The following AUTS2 variants were observed in gnomAD, a reference collection of about 807,000 sequenced individuals.
AUTS2 encodes the protein activator of transcription and developmental regulator AUTS2, also known as autism susceptibility gene 2 protein.
In AUTS2, 17 loss-of-function variants were observed where a neutral mutation model predicts 112.4. The observed-to-expected ratio is 0.15, with a 90% CI of 0.10 to 0.23. The LOEUF (loss-of-function observed/expected upper bound fraction) is 0.23. Ranked by LOEUF, AUTS2 falls within the 10% of genes least tolerant of loss-of-function variation. The probability of loss-of-function intolerance (pLI) is 1.00; values close to 1 mark genes in which losing one functional copy is unlikely to be tolerated. For synonymous variants in AUTS2, 751 were observed against 702.7 expected (o/e 1.07, Z -1.09); for missense variants, 1,510 against 1,701.6 (o/e 0.89, Z 1.98).
At position 70,602,537 on chromosome 7, in the gene AUTS2, T is replaced by C. The variant is rs143812948; in HGVS notation, c.691-96032T>C. ...TATTTGGTGTTGCAGCTGTGTTTCA[T>C]TGTAGTAACATATTCCAAATGCTAT... On this transcript the variant is annotated intron_variant, in intron 5 of 18. Coordinates refer to ENST00000342771, the MANE Select transcript of AUTS2 (RefSeq NM_015570.4). 4.9e-3 allele frequency among the ~76,000 whole-genome samples: 752 copies of C among 152,340 alleles called. 5 individuals are homozygous for C. The highest frequency in any genetic ancestry group is 0.017 in the African/African-American group (707 of 41,572).
chr7:70,619,119 A>T (rs1036275395), intron 5 of AUTS2, among the ~76,000 whole-genome samples: 1 of 152,158 alleles, frequency 6.6e-6, no homozygotes. Context: ...CTCCCTTTCC[A>T]GCAGACCTTC....
chr7:69,906,059 A>G (rs1795138938), intron 2 of AUTS2, among the ~76,000 whole-genome samples: 1 of 152,200 alleles, frequency 6.6e-6, no homozygotes, highest in Non-Finnish European at 1.5e-5. Context: ...AAGTGACAGG[A>G]GTGATTCTCA....
intron 4 of AUTS2, among the ~76,000 whole-genome samples, chr7:70,427,416 G>A (rs1273724120): frequency 6.6e-6 from 1 of 152,038 alleles, no homozygotes; most frequent in Non-Finnish European, 1.5e-5. Flanking sequence ...ATTTATACTT[G>A]GCAAAATGTG....
intron 5 of AUTS2, among the ~76,000 whole-genome samples, chr7:70,616,717 C>T (rs1804387587): frequency 6.6e-6 from 1 of 151,046 alleles, no homozygotes; most frequent in South Asian, 2.1e-4. Context: ...GCTTCCCAAA[C>T]CCAAAGAAAT....
At chr7:69,726,833 T>C (rs1406676327) in intron 1 of AUTS2, among the ~76,000 whole-genome samples, 1 of 152,184 alleles carries the variant, frequency 6.6e-6, no homozygotes. Flanking sequence ...GTGAAGTGTG[T>C]GGTCAAGTTT....
chr7:70,390,237 G>A lies in AUTS2; in HGVS notation c.661-45515G>A, dbSNP rs373727111. On this transcript the variant is annotated intron_variant, in intron 4 of 18. Coordinates refer to ENST00000342771, the MANE Select transcript of AUTS2 (RefSeq NM_015570.4). ...GGTTCTCAGACTTTGACATGCATCC[G>A]AATCCTCTGGTGGGCTTATTCAAAC... Among the ~76,000 whole-genome samples, 7 of 152,324 alleles carry A rather than the reference G, an allele frequency of 4.6e-5. No individual in the cohort carries two copies. In the South Asian group the frequency reaches 6.2e-4, roughly 14 times the overall value.
At chr7:70,488,982 A>T (rs1238638645) in intron 5 of AUTS2, among the ~76,000 whole-genome samples, 3 of 152,200 alleles carry the variant, frequency 2.0e-5, no homozygotes, top group Non-Finnish European at 4.4e-5. Flanking sequence ...GTTTCTAATT[A>T]GCTCCCTAAT....
At chr7:69,657,417 A>T (rs1281967939) in intron 1 of AUTS2, among the ~76,000 whole-genome samples, 6 of 152,216 alleles carry the variant, frequency 3.9e-5, no homozygotes, top group African/African-American at 1.4e-4. Flanking sequence ...GAAAATTATT[A>T]CCTATGGCAG....
chr7:69,712,761 G>A (rs183041147), intron 1 of AUTS2, among the ~76,000 whole-genome samples: 1,608 of 152,238 alleles, frequency 0.011, 9 homozygotes, highest in Non-Finnish European at 0.016. Flanking sequence ...CTGGGTAAAT[G>A]GGCAGGTGTA....
intron 5 of AUTS2, among the ~76,000 whole-genome samples, chr7:70,540,956 C>A (rs1800529545): frequency 6.6e-6 from 1 of 152,136 alleles, no homozygotes; most frequent in Non-Finnish European, 1.5e-5. Context: ...CAGTTCTGAG[C>A]AGGCACCCCA....
At chr7:69,619,590 T>G (rs1793559313) in intron 1 of AUTS2, among the ~76,000 whole-genome samples, 1 of 152,234 alleles carries the variant, frequency 6.6e-6, no homozygotes, top group African/African-American at 2.4e-5. Context: ...TCCGTGACTG[T>G]ACCCTCTTTC....
chr7:69,702,484 T>C (rs1346836612), intron 1 of AUTS2, among the ~76,000 whole-genome samples: 2 of 152,138 alleles, frequency 1.3e-5, no homozygotes, highest in Non-Finnish European at 2.9e-5. Context: ...TTAGTATATA[T>C]ATAGGAGGAC....
rs139471249 is a variant in AUTS2 at position 70,103,390 on chromosome 7, G to T, written c.523-14742G>T. On this transcript the variant is annotated intron_variant, in intron 2 of 18. Coordinates refer to ENST00000342771, the MANE Select transcript of AUTS2 (RefSeq NM_015570.4). Reference sequence around the variant, plus strand: ...GGTTCTGAGAGGAACCTGTAGCTCAGTACAGCAAATAGTAGGCACTACCTC... The same window carrying T: ...GGTTCTGAGAGGAACCTGTAGCTCATTACAGCAAATAGTAGGCACTACCTC... 5.3e-4 allele frequency among the ~76,000 whole-genome samples: 81 copies of T among 151,982 alleles called. 1 individual carries two copies. Among genetic ancestry groups the T allele is most frequent in the Non-Finnish European group, 9.0e-4 (61 of 68,028 alleles).
At chr7:70,226,830 G>A (rs917481016) in intron 4 of AUTS2, among the ~76,000 whole-genome samples, 2 of 152,178 alleles carry the variant, frequency 1.3e-5, no homozygotes, top group African/African-American at 2.4e-5. Context: ...AGTGCTGTAA[G>A]TGGTAGAAAT....
At position 69,766,522 on chromosome 7, in the gene AUTS2, G is replaced by A. The variant is rs560613940; in HGVS notation, c.310-132764G>A. Among the ~76,000 whole-genome samples, 42 of 152,258 alleles carry A rather than the reference G, an allele frequency of 2.8e-4. No homozygotes were observed. In the South Asian group the frequency reaches 3.7e-3, roughly 14 times the overall value. On this transcript the variant is annotated intron_variant, in intron 1 of 18. Transcript: ENST00000342771. ...ATTTTTATTTTTTTGAGAAACTACC[G>A]TACTGTTTTCCATAAGCAGCTAGAT...
intron 2 of AUTS2, among the ~76,000 whole-genome samples, chr7:69,931,451 CTT>C (rs1041037893): frequency 6.6e-6 from 1 of 152,120 alleles, no homozygotes; most frequent in African/African-American, 2.4e-5. Context: ...AGAATGAGCT[CTT>C]TATTGCTTAG....
At chr7:70,661,487 C>T (rs1807066600) in intron 5 of AUTS2, among the ~76,000 whole-genome samples, 1 of 152,180 alleles carries the variant, frequency 6.6e-6, no homozygotes, top group Non-Finnish European at 1.5e-5. Flanking sequence ...AACACACACG[C>T]TTTGGACTCA....
chr7:70,092,437 C>G (rs760530301), intron 2 of AUTS2, among the ~76,000 whole-genome samples: 1 of 152,122 alleles, frequency 6.6e-6, no homozygotes, highest in Non-Finnish European at 1.5e-5. Context: ...TTCATTACAT[C>G]CATATACTGG....
At chr7:70,612,957 T>C (rs746467078) in intron 5 of AUTS2, among the ~76,000 whole-genome samples, 4 of 151,844 alleles carry the variant, frequency 2.6e-5, no homozygotes, top group Non-Finnish European at 4.4e-5. Flanking sequence ...TTTAAGAGAT[T>C]TATGTGGAGG....
Sources: allele counts gnomAD v4.1 joint callset (sites outside exome capture counted in the v4.1 genomes callset), GRCh38; gene constraint gnomAD v4.1.1; transcripts MANE v1.5; gene names NCBI Gene and HGNC (gene_info 2026-07-23, HGNC 2026-07-21).